Variants in MED27 observed in about 807,000 individuals in gnomAD.
The protein encoded by MED27 is mediator complex subunit 27.
Under a neutral mutation model 38.2 loss-of-function variants are expected in MED27, and 30 were observed. The ratio of observed to expected loss-of-function variants is 0.79; its 90% CI spans 0.59 to 1.07. MED27 has a LOEUF of 1.07. MED27 is among the 50% of genes least tolerant of loss of function. The probability of loss-of-function intolerance (pLI) is 0.00; values close to 1 mark genes in which losing one functional copy is unlikely to be tolerated. For missense variants in MED27, 289 were observed against 397.5 expected (o/e 0.73, Z 2.32); for synonymous variants, 122 against 153.5 (o/e 0.79, Z 1.52).
intron 3 of MED27, among the ~76,000 whole-genome samples, chr9:131,956,836 A>C (rs1050460370): frequency 1.3e-5 from 2 of 152,154 alleles, no homozygotes; most frequent in African/African-American, 2.4e-5. Flanking sequence ...AAAAAAAAAA[A>C]AACACATACA....
Position 131,982,723 on chromosome 9 carries a change from A to AG in MED27, c.479+31613dup, listed in dbSNP as rs1403592761. Among the ~76,000 whole-genome samples the AG allele has an allele frequency of 6.6e-5, 10 of 152,190 alleles. No homozygotes were observed. The highest frequency in any genetic ancestry group is 2.4e-4 in the African/African-American group (10 of 41,452). ...TGGGGACCAACAAACATCTTCTTGA[A>AG]GGCCCAGGGAGTAAATATTGTCAGC... On this transcript the variant is annotated intron_variant, in intron 3 of 7. Transcript: ENST00000292035. This position sits in a 1 kb window ranked among gnomAD's most constrained non-coding sequence, Gnocchi z 4.3.
chr9:132,005,449 C>T (rs747049160), intron 3 of MED27, among the ~76,000 whole-genome samples: 7 of 152,136 alleles, frequency 4.6e-5, no homozygotes, highest in Non-Finnish European at 1.0e-4. Context: ...TATTTGACCA[C>T]GAAGGGTTTC....
At chr9:132,065,813 G>C (rs976961284) in intron 2 of MED27, among the ~76,000 whole-genome samples, 3 of 152,220 alleles carry the variant, frequency 2.0e-5, no homozygotes, top group Non-Finnish European at 2.9e-5. Context: ...GTCGCCCGGG[G>C]GAAAAGGCAG....
intron 4 of MED27, among the ~76,000 whole-genome samples, chr9:131,906,867 GATT>G (rs1830073103): frequency 6.6e-6 from 1 of 152,166 alleles, no homozygotes; most frequent in Middle Eastern, 3.2e-3. Flanking sequence ...AGAAGGAGTG[GATT>G]ATTCATGAGT....
intron 2 of MED27, among the ~76,000 whole-genome samples, chr9:132,017,951 A>C (rs539614182): frequency 6.6e-6 from 1 of 152,318 alleles, no homozygotes; most frequent in East Asian, 1.9e-4. Context: ...AGTCTTATTG[A>C]ACACGTAAGA....
At chr9:131,868,124 G>T (rs915134385) in intron 6 of MED27, among the ~76,000 whole-genome samples, 8 of 152,124 alleles carry the variant, frequency 5.3e-5, no homozygotes, top group Admixed American at 3.3e-4. Flanking sequence ...TGGAGTGGGG[G>T]TTTTTCCTTA....
At chr9:131,921,284 C>T (rs575812436) in intron 4 of MED27, among the ~76,000 whole-genome samples, 11 of 152,298 alleles carry the variant, frequency 7.2e-5, no homozygotes, top group African/African-American at 2.4e-4. Flanking sequence ...ACACCCAGTC[C>T]GTCGTCAAAC....
intron 2 of MED27, among the ~76,000 whole-genome samples, chr9:132,046,830 T>C (rs1346021083): frequency 6.6e-6 from 1 of 152,184 alleles, no homozygotes; most frequent in African/African-American, 2.4e-5. Context: ...CTCTCTGCCC[T>C]GCTACAGTTT....
At chr9:132,010,965 G>C (rs1190172949) in intron 3 of MED27, among the ~76,000 whole-genome samples, 2 of 152,094 alleles carry the variant, frequency 1.3e-5, no homozygotes, top group Non-Finnish European at 2.9e-5. Context: ...ACACCAACAT[G>C]GCACATGTAT....
intron 3 of MED27, among the ~76,000 whole-genome samples, chr9:131,990,431 T>C (rs914734289): frequency 8.5e-5 from 13 of 152,230 alleles, no homozygotes; most frequent in African/African-American, 3.1e-4. Flanking sequence ...TATTTACATG[T>C]TCACAAAAAC....
intron 2 of MED27, among the ~76,000 whole-genome samples, chr9:132,030,868 G>A (rs1198040728): frequency 6.6e-6 from 1 of 152,228 alleles, no homozygotes; most frequent in Non-Finnish European, 1.5e-5. Context: ...CAAGGACAAA[G>A]AGAAGAGGAG....
chr9:131,957,897 TAA>T (rs78725916), intron 3 of MED27, among the ~76,000 whole-genome samples: 22 of 129,092 alleles, frequency 1.7e-4, no homozygotes, highest in South Asian at 2.4e-4. Flanking sequence ...TGTCTCTATT[TAA>T]AAAAAAAAAA....
intron 2 of MED27, among the ~76,000 whole-genome samples, chr9:132,056,767 T>C (rs1442432698): frequency 1.3e-5 from 2 of 152,198 alleles, no homozygotes; most frequent in African/African-American, 2.4e-5. Flanking sequence ...ATAACACCTC[T>C]GTCTCTGAGA....
intron 2 of MED27, among the ~76,000 whole-genome samples, chr9:132,072,638 C>T (rs769820513): frequency 3.3e-5 from 5 of 151,990 alleles, no homozygotes; most frequent in South Asian, 2.1e-4. Context: ...AAACTCACTA[C>T]GCTAGCAAGT....
chr9:131,977,475 G>T (rs568691588), intron 3 of MED27, among the ~76,000 whole-genome samples: 2 of 152,226 alleles, frequency 1.3e-5, no homozygotes, highest in South Asian at 2.1e-4. Flanking sequence ...CATCGTTAGG[G>T]CAATCTGATT....
intron 4 of MED27, among the ~76,000 whole-genome samples, chr9:131,896,319 C>A (rs889808203): frequency 6.6e-6 from 1 of 152,184 alleles, no homozygotes; most frequent in African/African-American, 2.4e-5. Flanking sequence ...TTTGTAACTG[C>A]ACATTTTAAC....
chr9:132,009,034 G>A (rs749511934), intron 3 of MED27, among the ~76,000 whole-genome samples: 6 of 152,168 alleles, frequency 3.9e-5, no homozygotes, highest in East Asian at 1.9e-4. Flanking sequence ...CACTCTGCCC[G>A]TGGCCTTCTC....
intron 4 of MED27, among the ~76,000 whole-genome samples, chr9:131,911,907 T>C (rs756857224): frequency 5.3e-5 from 8 of 152,174 alleles, no homozygotes; most frequent in Non-Finnish European, 1.2e-4. Context: ...TGCCTTTCTC[T>C]CCTGGTCAAA....
chr9:132,023,221 A>G (rs1832754185), intron 2 of MED27, among the ~76,000 whole-genome samples: 1 of 152,194 alleles, frequency 6.6e-6, no homozygotes, highest in Admixed American at 6.5e-5. Flanking sequence ...AAAAGAAAAC[A>G]GATGGTTTTC....
Sources: allele counts gnomAD v4.1 joint callset (sites outside exome capture counted in the v4.1 genomes callset), GRCh38; gene constraint gnomAD v4.1.1; non-coding constraint Gnocchi (gnomAD v3.1); transcripts MANE v1.5; gene names NCBI Gene and HGNC (gene_info 2026-07-23, HGNC 2026-07-21).